The following CDC27 variants were observed in gnomAD, a reference collection of about 807,000 sequenced individuals.
CDC27 encodes cell division cycle 27, also known as cell division cycle protein 27 homolog.
CDC27 carries 27 observed loss-of-function variants against 109.7 expected under a neutral mutation model. The observed-to-expected ratio is 0.25, with a 90% CI of 0.18 to 0.34. The LOEUF is 0.34. Ranked by LOEUF, CDC27 falls within the 10% of genes least tolerant of loss-of-function variation. The pLI is 1.00. For synonymous variants in CDC27, 266 were observed against 333.9 expected, an observed-to-expected ratio of 0.80 and a Z score of 2.22; for missense variants, 579 against 960.2, an observed-to-expected ratio of 0.60 and a Z score of 5.25.
intron 10 of CDC27, among the ~76,000 whole-genome samples, chr17:47,143,164 A>T (rs1010028452): frequency 6.6e-6 from 1 of 151,154 alleles, no homozygotes; most frequent in Admixed American, 6.6e-5. Flanking sequence ...GGGTCTTGCT[A>T]TGTTGACCAG....
At chr17:47,159,590 G>A (rs1170335670) in intron 4 of CDC27, 4 of 467,350 alleles carry the variant, frequency 8.6e-6, no homozygotes, top group Non-Finnish European at 1.5e-5. Flanking sequence ...GGGGACAATC[G>A]AGAGTTTGGC....
chr17:47,159,639 C>G (rs530163268), intron 4 of CDC27: 1 of 459,702 alleles, frequency 2.2e-6, no homozygotes, highest in South Asian at 2.3e-5. Flanking sequence ...GTGGCCACCT[C>G]CTTGGAGCAT....
chr17:47,149,434 C>T (rs1438223011), intron 9 of CDC27, among the ~76,000 whole-genome samples: 1 of 150,190 alleles, frequency 6.7e-6, no homozygotes, highest in Non-Finnish European at 1.5e-5. Flanking sequence ...TCGCTTTAAC[C>T]CAGGTGGCAG....
rs1555560988 is a variant in CDC27, at chr17:47,180,945, T to TCAAAAA, written c.103+616_103+617insTTTTTG. Among the ~76,000 whole-genome samples the TCAAAAA allele has an allele frequency of 6.1e-3, 676 of 111,580 alleles. 16 individuals are homozygous for TCAAAAA. The highest frequency in any genetic ancestry group is 0.012 in the African/African-American group (333 of 28,874). 73.2% of individuals were successfully genotyped at this position (111,580 alleles called of 152,430 possible). On this transcript the variant is annotated intron_variant, in intron 2 of 18. Coordinates refer to ENST00000066544, the MANE Select transcript of CDC27 (RefSeq NM_001256.6). ...CACCATAGAATACAGACTCTTTTCT[T>TCAAAAA]AAAAAAAAAAAAAAAAAAAAAAAAT... is the stretch of plus-strand genomic sequence containing the variant.
intron 14 of CDC27, among the ~76,000 whole-genome samples, chr17:47,136,769 A>C (rs2062611550): frequency 6.6e-6 from 1 of 152,228 alleles, no homozygotes; most frequent in South Asian, 2.1e-4. Context: ...TTTTCCTATT[A>C]TCCAATAAGT....
Position 47,142,447 on chromosome 17 carries a change from G to A in CDC27, c.1171-11C>T, listed in dbSNP as rs1648554523. 5 of 1,280,892 alleles carry A rather than the reference G, an allele frequency of 3.9e-6. No individual in the cohort carries two copies. The South Asian group carries it at 6.6e-5, about 17-fold the overall frequency. The allele number at this position is 1,280,892 out of a possible 1,614,324, so 79.3% of individuals were successfully genotyped here. On this transcript the variant is annotated splice_polypyrimidine_tract_variant and intron_variant, in intron 10 of 18. Coordinates refer to ENST00000066544, the MANE Select transcript of CDC27 (RefSeq NM_001256.6). ...TTTTTTGCTATTCTCCTGTAAAAGG[G>A]AAGAAATTTCACACCTGTTATACTC...
chr17:47,143,765 C>T, intron 10 of CDC27, 118 bp downstream of exon 10: 1 of 370,474 alleles, frequency 2.7e-6, no homozygotes. Context: ...TAAATTAAAA[C>T]ATTTTAAAAT....
Position 47,169,960 on chromosome 17 carries a change from C to A in CDC27, c.334G>T (p.Asp112Tyr). ...SHDDIVTEFG[D>Y]SACFTLSLLG... ...AATGAAAGAGTAAAGCAAGCTGAAT[C>A]ACCAAACTCAGTAACAATATCATCA... Residue 112 changes from aspartate (D) to tyrosine (Y), a missense_variant, in exon 4 of 19, where the codon GAT becomes TAT. By Grantham distance (160) the Asp-to-Tyr change is radical. Around this residue, in one of 9 missense-constraint regions of CDC27, gnomAD observed 52 missense variants for 63.4 expected, o/e 0.82. Coordinates refer to ENST00000066544, the MANE Select transcript of CDC27 (RefSeq NM_001256.6). 1 of 1,598,112 alleles carries A rather than the reference C, an allele frequency of 6.3e-7. No homozygotes were observed. The highest frequency in any genetic ancestry group is 2.3e-5 in the East Asian group (1 of 43,520).
chr17:47,157,568 C>T (rs945583321), intron 5 of CDC27, among the ~76,000 whole-genome samples, 184 bp from the exon 6 acceptor site: 5 of 137,782 alleles, frequency 3.6e-5, no homozygotes, highest in African/African-American at 1.3e-4. Context: ...TAAAAGTTTA[C>T]CAGTAAGATA....
chr17:47,136,439 C>CA (rs1006510860), intron 14 of CDC27, among the ~76,000 whole-genome samples: 3 of 152,172 alleles, frequency 2.0e-5, no homozygotes, highest in South Asian at 2.1e-4. Context: ...CCGTATCTGA[C>CA]AAAAAAACTA....
At chr17:47,170,418 A>G (rs993853816) in intron 3 of CDC27, 1 of 153,482 alleles carries the variant, frequency 6.5e-6, no homozygotes, top group Non-Finnish European at 1.5e-5. Context: ...GGCTGGTTTC[A>G]AACTCCTGGG....
rs779780545 is a variant in CDC27 at position 47,177,879 on chromosome 17, CAT to C, written c.103+3681_103+3682del. Among the ~76,000 whole-genome samples, 686 of 149,066 alleles carry C rather than the reference CAT, an allele frequency of 4.6e-3. 1 individual carries two copies. Among genetic ancestry groups the C allele is most frequent in the African/African-American group, 0.016 (642 of 40,414 alleles). Reference sequence around the variant, plus strand: ...GTGTACACACACACACACACACACACATATCTCCAAAGAGCTATCATAGTAGT... The same window carrying C: ...GTGTACACACACACACACACACACACATCTCCAAAGAGCTATCATAGTAGT... On this transcript the variant is annotated intron_variant, in intron 2 of 18. Transcript: ENST00000066544.
intron 4 of CDC27, among the ~76,000 whole-genome samples, chr17:47,165,892 T>G (rs1567699447): frequency 6.6e-6 from 1 of 152,220 alleles, no homozygotes; most frequent in Non-Finnish European, 1.5e-5. Context: ...GGCACCATTA[T>G]TTGCTAAAAA....
At chr17:47,133,028 T>TATATACACACACAC (rs1555783886) in intron 14 of CDC27, among the ~76,000 whole-genome samples, 2 of 29,826 alleles carry the variant, frequency 6.7e-5, no homozygotes, top group East Asian at 9.3e-4. Flanking sequence ...TATATATATA[T>TATATACACACACAC]ACACACACAC....
chr17:47,170,011 C>A lies in CDC27; in HGVS notation c.283G>T (p.Gly95Ter). The A allele has an allele frequency of 6.4e-7, 1 of 1,562,232 alleles. No individual in the cohort carries two copies. ...TGGCTTTTCTGCTTATTAAACACTC[C>A]ACCAGATAAGATTTGTTCCCCTTCT... The part of the protein sequence containing the change: ...LAEGEQILSG[G>*]VFNKQKSHDD... Residue 95 changes from glycine to a stop codon, truncating the protein, a stop_gained, in exon 4 of 19, where the codon GGA becomes TGA. Coordinates refer to ENST00000066544, the MANE Select transcript of CDC27 (RefSeq NM_001256.6). LOFTEE classifies it high-confidence loss of function.
chr17:47,147,927 G>A (rs570374116), intron 9 of CDC27, among the ~76,000 whole-genome samples: 10 of 147,314 alleles, frequency 6.8e-5, no homozygotes, highest in Non-Finnish European at 1.5e-5. Flanking sequence ...AAGGCTGGGC[G>A]CGGTGGCTCA....
intron 4 of CDC27, among the ~76,000 whole-genome samples, chr17:47,164,010 C>T (rs547851277): frequency 2.0e-5 from 3 of 152,270 alleles, no homozygotes; most frequent in East Asian, 3.9e-4. Context: ...GTGATCTGCC[C>T]GCCTCGGCCT....
At chr17:47,144,651 A>G (rs1449521118) in intron 9 of CDC27, among the ~76,000 whole-genome samples, 2 of 152,340 alleles carry the variant, frequency 1.3e-5, no homozygotes, top group Middle Eastern at 3.4e-3. Flanking sequence ...GAGAATTTCA[A>G]TCTTAGCAAG....
intron 16 of CDC27, among the ~76,000 whole-genome samples, chr17:47,128,112 C>T (rs2062203753): frequency 6.6e-6 from 1 of 152,102 alleles, no homozygotes; most frequent in Admixed American, 6.6e-5. Context: ...CTCACTGCAA[C>T]CTCTGCCTCC....
Sources: allele counts gnomAD v4.1 joint callset (sites outside exome capture counted in the v4.1 genomes callset), GRCh38; gene constraint gnomAD v4.1.1; regional missense constraint gnomAD v4.1.1; transcripts MANE v1.5; gene names NCBI Gene and HGNC (gene_info 2026-07-23, HGNC 2026-07-21).